The following MARCHF5 variants were observed in gnomAD, a reference collection of about 807,000 sequenced individuals.
MARCHF5 encodes membrane associated ring-CH-type finger 5.
Under a neutral mutation model 36.5 loss-of-function variants are expected in MARCHF5, and 5 were observed. That is an observed-to-expected ratio of 0.14 (90% CI 0.07 to 0.29). MARCHF5 has a LOEUF of 0.29. Among genes scored for constraint, MARCHF5 ranks in the 10% least tolerant of loss-of-function variants. The pLI is 1.00. For synonymous variants in MARCHF5, 103 were observed against 109.9 expected (o/e 0.94, Z 0.39); for missense variants, 179 against 336.3 (o/e 0.53, Z 3.66).
intron 3 of MARCHF5, among the ~76,000 whole-genome samples, chr10:92,342,320 T>C (rs577136109): frequency 2.4e-4 from 36 of 151,956 alleles, no homozygotes; most frequent in African/African-American, 8.7e-4. Context: ...AGCTAATTTT[T>C]TATTTTTTGT....
intron 3 of MARCHF5, among the ~76,000 whole-genome samples, chr10:92,347,360 C>T (rs1260693527): frequency 6.6e-6 from 1 of 152,058 alleles, no homozygotes; most frequent in Non-Finnish European, 1.5e-5. Flanking sequence ...TGCCATGTGC[C>T]TGTAATCCCA....
chr10:92,307,938 T>TC (rs1161700633), intron 1 of MARCHF5, among the ~76,000 whole-genome samples: 2 of 148,604 alleles, frequency 1.3e-5, no homozygotes, highest in East Asian at 2.0e-4. Context: ...TATTTATGCT[T>TC]CCCCCCTTTT....
At chr10:92,299,255 G>A (rs542621739) in intron 1 of MARCHF5, among the ~76,000 whole-genome samples, 2 of 152,260 alleles carry the variant, frequency 1.3e-5, no homozygotes, top group East Asian at 3.9e-4. Flanking sequence ...AATTAGCGAA[G>A]GCACAATTAT....
intron 1 of MARCHF5, among the ~76,000 whole-genome samples, chr10:92,303,280 C>G (rs952341611): frequency 6.6e-6 from 1 of 152,168 alleles, no homozygotes; most frequent in African/African-American, 2.4e-5. Flanking sequence ...TAATATCTAG[C>G]TTCATCTTAA....
At chr10:92,299,994 C>G (rs1554946054) in intron 1 of MARCHF5, among the ~76,000 whole-genome samples, 1 of 151,612 alleles carries the variant, frequency 6.6e-6, no homozygotes, top group Non-Finnish European at 1.5e-5. Context: ...AGACCCCCGT[C>G]TCTACAAAAA....
Sources: allele counts gnomAD v4.1 joint callset (sites outside exome capture counted in the v4.1 genomes callset), GRCh38; gene constraint gnomAD v4.1.1; transcripts MANE v1.5; gene names NCBI Gene and HGNC (gene_info 2026-07-23, HGNC 2026-07-21).